Variants in ZSWIM6 observed in about 807,000 individuals in gnomAD.
The protein encoded by ZSWIM6 is zinc finger SWIM-type containing 6, also known as zinc finger SWIM domain-containing protein 6.
In ZSWIM6, 9 loss-of-function variants were observed where a neutral mutation model predicts 113.2. The ratio of observed to expected loss-of-function variants is 0.08; its 90% CI spans 0.05 to 0.14. ZSWIM6 has a LOEUF of 0.14. Ranked by LOEUF, ZSWIM6 falls within the 10% of genes least tolerant of loss-of-function variation. The probability of loss-of-function intolerance (pLI) is 1.00; values close to 1 mark genes in which losing one functional copy is unlikely to be tolerated. For synonymous variants in ZSWIM6, 611 were observed against 606.5 expected, an observed-to-expected ratio of 1.01 and a Z score of -0.11; for missense variants, 1,162 against 1,552.2, an observed-to-expected ratio of 0.75 and a Z score of 4.22.
chr5:61,354,755 C>A (rs180674785), intron 1 of ZSWIM6, among the ~76,000 whole-genome samples: 88 of 152,218 alleles, frequency 5.8e-4, no homozygotes, highest in Admixed American at 1.3e-3. Context: ...TTATCATACC[C>A]TGGATTTTGA....
intron 4 of ZSWIM6, among the ~76,000 whole-genome samples, chr5:61,519,754 A>G (rs1021311389): frequency 1.1e-4 from 16 of 152,088 alleles, no homozygotes; most frequent in Non-Finnish European, 2.4e-4. Flanking sequence ...ATACTCTTAC[A>G]TAGCAGTCCC....
intron 1 of ZSWIM6, among the ~76,000 whole-genome samples, chr5:61,428,282 C>A (rs1746504942): frequency 6.6e-6 from 1 of 152,194 alleles, no homozygotes; most frequent in South Asian, 2.1e-4. Context: ...AACTAACTCA[C>A]TTGGCCTGCT....
At chr5:61,508,127 C>T (rs74904544) in intron 4 of ZSWIM6, among the ~76,000 whole-genome samples, 10 of 152,184 alleles carry the variant, frequency 6.6e-5, no homozygotes, top group African/African-American at 2.2e-4. Context: ...TGTGAAAATA[C>T]GTGTAAAGCA....
At chr5:61,452,871 A>G (rs1252943619) in intron 1 of ZSWIM6, among the ~76,000 whole-genome samples, 1 of 152,186 alleles carries the variant, frequency 6.6e-6, no homozygotes, top group Non-Finnish European at 1.5e-5. Context: ...TCTCCAGTCT[A>G]CAACAACTTA....
chr5:61,366,394 G>C lies in ZSWIM6; in HGVS notation c.676+33446G>C, dbSNP rs183513326. 1.6e-4 allele frequency among the ~76,000 whole-genome samples: 24 copies of C among 152,242 alleles called. No homozygotes were observed. The East Asian group carries it at 4.5e-3, about 28-fold the overall frequency. The stretch of plus-strand genomic sequence containing the variant: ...CCAAGTTTATGTGTAGGTCTGAAAT[G>C]TGTGGTATCCTCAGCATTCTTCAAA... On this transcript the variant is annotated intron_variant, in intron 1 of 13. Transcript: ENST00000252744.
intron 7 of ZSWIM6, among the ~76,000 whole-genome samples, chr5:61,528,910 T>C (rs1280968723): frequency 6.6e-6 from 1 of 152,190 alleles, no homozygotes; most frequent in Non-Finnish European, 1.5e-5. Context: ...TATGTACTGA[T>C]AGTTGATTGC....
intron 1 of ZSWIM6, among the ~76,000 whole-genome samples, chr5:61,444,027 A>G (rs1746893346): frequency 6.6e-6 from 1 of 151,608 alleles, no homozygotes; most frequent in South Asian, 2.1e-4. Context: ...TACGTGTGCC[A>G]TGTTGGTGTG....
intron 4 of ZSWIM6, among the ~76,000 whole-genome samples, chr5:61,496,554 C>G (rs977357169): frequency 2.6e-5 from 4 of 152,128 alleles, no homozygotes; most frequent in Non-Finnish European, 5.9e-5. Context: ...TGCCAGATGC[C>G]AGACATTGAG....
intron 9 of ZSWIM6, 122 bp from the exon 10 acceptor site, chr5:61,535,362 C>A: frequency 8.4e-7 from 1 of 1,186,044 alleles, no homozygotes; most frequent in Non-Finnish European, 1.2e-6. Flanking sequence ...CTTTCTATAT[C>A]ATTTACTTGA....
Position 61,332,697 on chromosome 5 carries a change from G to C in ZSWIM6, c.425G>C (p.Gly142Ala). 10 of 993,598 alleles carry C rather than the reference G, an allele frequency of 1.0e-5. No individual in the cohort carries two copies. Among genetic ancestry groups the C allele is most frequent in the Non-Finnish European group, 1.2e-5 (10 of 833,844 alleles). 61.5% of individuals were successfully genotyped at this position (993,598 alleles called of 1,614,324 possible). ...GCGGGCGGCCCCGGCGACGACAGCGGTGGCGGCGGCGGCGCGGGCGGCGGC... is the reference window on the plus strand; with the variant it reads ...GCGGGCGGCCCCGGCGACGACAGCGCTGGCGGCGGCGGCGCGGGCGGCGGC... Reference protein sequence around the residue: ...GAAGGPGDDSGGGGGAGGGGG... With the variant: ...GAAGGPGDDSAGGGGAGGGGG... The change falls in exon 1 of 14, where the codon GGT (glycine) becomes GCT (alanine). Residue 142 changes from glycine (G) to alanine (A), a missense_variant. Gly to Ala is a moderately conservative substitution (Grantham distance 60, BLOSUM62 0). Transcript: ENST00000252744.
chr5:61,484,535 G>A (rs183785587), intron 2 of ZSWIM6, among the ~76,000 whole-genome samples: 190 of 152,310 alleles, frequency 1.2e-3, no homozygotes, highest in Non-Finnish European at 1.7e-3. Flanking sequence ...TGTTTGGAAA[G>A]TCTCTTTTGA....
intron 1 of ZSWIM6, among the ~76,000 whole-genome samples, chr5:61,431,269 A>AG (rs2112135242): frequency 6.8e-6 from 1 of 146,162 alleles, no homozygotes; most frequent in Admixed American, 7.0e-5. Context: ...GCTACTCAGG[A>AG]GGCAGAGGCA....
chr5:61,540,039 C>G (rs1220366994), intron 12 of ZSWIM6, among the ~76,000 whole-genome samples: 1 of 152,158 alleles, frequency 6.6e-6, no homozygotes, highest in African/African-American at 2.4e-5. Context: ...GACACTGTTT[C>G]TCCTTTGAAT....
At chr5:61,414,961 T>G (rs1746217430) in intron 1 of ZSWIM6, among the ~76,000 whole-genome samples, 1 of 152,220 alleles carries the variant, frequency 6.6e-6, no homozygotes, top group Admixed American at 6.5e-5. Context: ...AGAAGAAAGC[T>G]GTGAAATAGA....
intron 1 of ZSWIM6, chr5:61,391,108 C>T: frequency 1.3e-6 from 1 of 749,846 alleles, no homozygotes; most frequent in Non-Finnish European, 2.5e-6. Context: ...ATGCTGTGTC[C>T]CAGTACAGGC....
intron 3 of ZSWIM6, 124 bp from the exon 4 acceptor site, chr5:61,494,122 CCACACACACACACA>C: frequency 1.4e-6 from 1 of 717,948 alleles, no homozygotes; most frequent in Non-Finnish European, 2.1e-6. Context: ...CTATCCTCCA[CCACACACACACACA>C]CACACACACG....
chr5:61,504,937 C>T (rs1365885562), intron 4 of ZSWIM6, among the ~76,000 whole-genome samples: 2 of 152,104 alleles, frequency 1.3e-5, no homozygotes, highest in Non-Finnish European at 2.9e-5. Context: ...AAAAGCAACC[C>T]TGGACAGCTT....
intron 4 of ZSWIM6, among the ~76,000 whole-genome samples, chr5:61,506,754 T>A (rs923018127): frequency 6.6e-6 from 1 of 152,170 alleles, no homozygotes; most frequent in African/African-American, 2.4e-5. Context: ...TATTTGTGAC[T>A]GCAGTTAGGC....
chr5:61,524,205 TG>T (rs1234045767), intron 5 of ZSWIM6, among the ~76,000 whole-genome samples: 6 of 152,300 alleles, frequency 3.9e-5, no homozygotes, highest in African/African-American at 1.4e-4. Flanking sequence ...TTGCTGGGCA[TG>T]GGTATGTTTA....
Sources: allele counts gnomAD v4.1 joint callset (sites outside exome capture counted in the v4.1 genomes callset), GRCh38; gene constraint gnomAD v4.1.1; transcripts MANE v1.5; gene names NCBI Gene and HGNC (gene_info 2026-07-23, HGNC 2026-07-21).